Variants in B4GALNT4 observed in about 807,000 individuals in gnomAD.
The protein encoded by B4GALNT4 is beta-1,4-N-acetyl-galactosaminyltransferase 4.
Under a neutral mutation model 110.0 loss-of-function variants are expected in B4GALNT4, and 77 were observed. That is an observed-to-expected ratio of 0.70 (90% CI 0.58 to 0.85). The LOEUF is 0.85. Among genes scored for constraint, B4GALNT4 ranks in the 40% least tolerant of loss-of-function variants. B4GALNT4 has a pLI of 0.00. For synonymous variants in B4GALNT4, 785 were observed against 655.5 expected (o/e 1.20, Z -3.02); for missense variants, 1,575 against 1,506.0 (o/e 1.05, Z -0.76).
Position 375,887 on chromosome 11 carries a change from G to A in B4GALNT4, c.1026G>A (p.Glu342=), listed in dbSNP as rs140484351. Residue 342 remains glutamate, a synonymous_variant, in exon 11 of 20, where the codon GAG becomes GAA. Coordinates refer to ENST00000329962, the MANE Select transcript of B4GALNT4 (RefSeq NM_178537.5). ...MESSSLENVL[E]PCAYAPTYVV... ...CTTCGAGCCTGGAGAACGTGCTGGA[G>A]CCCTGCGCCTACGCCCCCACCTACG... is the stretch of plus-strand genomic sequence containing the variant. 513 of 1,611,638 alleles carry A rather than the reference G, an allele frequency of 3.2e-4. No homozygotes were observed. The highest frequency in any genetic ancestry group is 3.9e-4 in the Non-Finnish European group (463 of 1,179,488).
Position 377,290 on chromosome 11 carries a change from G to A in B4GALNT4, c.2167G>A (p.Ala723Thr), listed in dbSNP as rs768586312. The A allele has an allele frequency of 1.2e-5, 19 of 1,587,232 alleles. No individual in the cohort carries two copies. The highest frequency in any genetic ancestry group is 1.5e-5 in the Non-Finnish European group (18 of 1,169,190). The change falls in exon 14 of 20, where the codon GCT (alanine) becomes ACT (threonine). Residue 723 changes from alanine (A) to threonine (T), a missense_variant. By Grantham distance (58) the Ala-to-Thr change is moderately conservative (BLOSUM62 0). Coordinates refer to ENST00000329962, the MANE Select transcript of B4GALNT4 (RefSeq NM_178537.5). ...GGAGGCGGAGGCCGTGGACGTGACC[G>A]CTCAGTACATGGAGCGGCTGAACGC... Reference protein sequence around the residue: ...LPEAEAVDVTAQYMERLNARH... With the variant: ...LPEAEAVDVTTQYMERLNARH...
Position 372,569 on chromosome 11 carries a change from G to A in B4GALNT4, c.256-93G>A. ...GGCATTTAGGGCTGTGTGGATACAT[G>A]TTGGAAGGGGTCTTTGTGAAGGTTT... is the stretch of plus-strand genomic sequence containing the variant. On this transcript the variant is annotated intron_variant, in intron 2 of 19. Coordinates refer to ENST00000329962, the MANE Select transcript of B4GALNT4 (RefSeq NM_178537.5). The A allele has an allele frequency of 2.3e-5, 25 of 1,108,408 alleles. No homozygotes were observed. The South Asian group carries it at 3.2e-4, about 14-fold the overall frequency. 68.7% of individuals were successfully genotyped at this position (1,108,408 alleles called of 1,614,324 possible).
Position 376,803 on chromosome 11 carries a change from GC to G in B4GALNT4, c.1683del (p.Arg562GlufsTer64). 7.3e-7 allele frequency: 1 copy of G among 1,377,486 alleles called. No individual in the cohort carries two copies. Among genetic ancestry groups the G allele is most frequent in the Admixed American group, 3.2e-5 (1 of 31,642 alleles). The allele number at this position is 1,377,486 out of a possible 1,614,324, so 85.3% of individuals were successfully genotyped here. A position where few individuals can be genotyped will look rare whatever the true frequency, so the allele number is the denominator to read the frequency against. On this transcript the variant is annotated frameshift_variant, in exon 14 of 20. Coordinates refer to ENST00000329962, the MANE Select transcript of B4GALNT4 (RefSeq NM_178537.5). LOFTEE classifies it high-confidence loss of function. The stretch of plus-strand genomic sequence containing the variant: ...GCGTCTTCCTGCACCCCAGGCCTCT[GC>G]CCAGAGTGCAGCTGCGGGCGCCCCC... Reference protein sequence around the residue: ...PGVFLHPRPLPRVQLRAPPRP... With the variant: ...PGVFLHPRPLXRVQLRAPPRP...
In B4GALNT4 at chr11:381,657, C is replaced by G. The variant is rs761956465; in HGVS notation, c.2997-12C>G. The G allele has an allele frequency of 1.3e-6, 2 of 1,579,176 alleles. No individual in the cohort carries two copies. The highest frequency in any genetic ancestry group is 1.7e-6 in the Non-Finnish European group (2 of 1,164,554). ...CCCGGGGTCCTGACCACCTCTCTGC[C>G]CCCGGCCCCAGGGTCCTGCAGGCAG... On this transcript the variant is annotated splice_polypyrimidine_tract_variant and intron_variant, in intron 19 of 19. Transcript: ENST00000329962.
At position 377,056 on chromosome 11, in the gene B4GALNT4, G is replaced by A. The variant is rs1259510322; in HGVS notation, c.1933G>A (p.Glu645Lys). 1.0e-5 allele frequency: 15 copies of A among 1,440,696 alleles called. No homozygotes were observed. The highest frequency in any genetic ancestry group is 3.0e-5 in the South Asian group (2 of 67,332). 89.2% of individuals were successfully genotyped at this position (1,440,696 alleles called of 1,614,324 possible). Residue 645 changes from glutamate (E) to lysine (K), a missense_variant, in exon 14 of 20, where the codon GAG becomes AAG. Transcript: ENST00000329962. Reference protein sequence around the residue: ...SGPQLPGEGEEEEEGEDDGAP... With the variant: ...SGPQLPGEGEKEEEGEDDGAP... ...GCCGCAGCTGCCCGGGGAGGGCGAA[G>A]AGGAGGAGGAAGGGGAGGACGATGG...
rs1846744629 is a variant in B4GALNT4 at position 376,148 on chromosome 11, C to T, written c.1170C>T (p.Tyr390=). 1 of 1,603,308 alleles carries T rather than the reference C, an allele frequency of 6.2e-7. No homozygotes were observed. Among genetic ancestry groups the T allele is most frequent in the Non-Finnish European group, 8.5e-7 (1 of 1,174,800 alleles). The part of the protein sequence containing the change: ...THMETDNKCF[Y]RESPLYLERF... The stretch of plus-strand genomic sequence containing the variant: ...TGGAGACGGACAACAAGTGCTTCTA[C>T]CGCGAGTCTCCGCTGTATCTGGAGA... The change falls in exon 12 of 20, where the codon TAC becomes TAT. Residue 390 remains tyrosine, a synonymous_variant. Coordinates refer to ENST00000329962, the MANE Select transcript of B4GALNT4 (RefSeq NM_178537.5).
At chr11:370,021 C>CGGCGCGGGGGGCGGGGGCGGCGTGGGG (rs1846586468) in intron 1 of B4GALNT4, 67 bp downstream of exon 1, 1 of 39,754 alleles carries the variant, frequency 2.5e-5, no homozygotes, top group Non-Finnish European at 4.9e-5. Flanking sequence ...GGGGCGCGGG[C>CGGCGCGGGGGGCGGGGGCGGCGTGGGG]GGCGCGGGGG....
chr11:381,954 G>A lies in B4GALNT4; in HGVS notation c.*162G>A, dbSNP rs1322686650. ...CCACTGGGCGTCGTGCCCCTCCCCG[G>A]AGAGGCAGCCTTCACGGCGGGTCAG... On this transcript the variant is annotated 3_prime_UTR_variant, in exon 20 of 20. Coordinates refer to ENST00000329962, the MANE Select transcript of B4GALNT4 (RefSeq NM_178537.5). 74 of 839,000 alleles carry A rather than the reference G, an allele frequency of 8.8e-5. No homozygotes were observed. Among genetic ancestry groups the A allele is most frequent in the Non-Finnish European group, 1.0e-4 (62 of 597,334 alleles). The allele number at this position is 839,000 out of a possible 1,614,324, so 52.0% of individuals were successfully genotyped here.
chr11:376,829 C>A lies in B4GALNT4; in HGVS notation c.1706C>A (p.Pro569Gln), dbSNP rs1402164529. The change falls in exon 14 of 20, where the codon CCA becomes CAA. Residue 569 changes from proline (P) to glutamine (Q), a missense_variant. Transcript: ENST00000329962. ...PLPRVQLRAP[P>Q]RPPRPHGRRT... is the part of the protein sequence containing the mutation. The stretch of plus-strand genomic sequence containing the variant: ...CCCAGAGTGCAGCTGCGGGCGCCCC[C>A]ACGCCCACCCCGGCCCCACGGCCGC... 3.0e-6 allele frequency: 4 copies of A among 1,342,142 alleles called. No homozygotes were observed. The East Asian group carries it at 1.4e-4, about 46-fold the overall frequency. 83.1% of individuals were successfully genotyped at this position (1,342,142 alleles called of 1,614,324 possible). A position where few individuals can be genotyped will look rare whatever the true frequency, so the allele number is the denominator to read the frequency against.
In B4GALNT4 at chr11:372,720, A is replaced by T; in HGVS notation, c.314A>T (p.Asn105Ile). The change falls in exon 3 of 20, where the codon AAC (asparagine) becomes ATC (isoleucine). Residue 105 changes from asparagine to isoleucine, a missense_variant. Transcript: ENST00000329962. The part of the protein sequence containing the change: ...FPGGAGRLPL[N>I]FTHQTPPWRE... ...GGGGGGGCTGGGAGGCTGCCACTGA[A>T]CTTCACCCATCAGACACCCCCATGG... is the stretch of plus-strand genomic sequence containing the variant. 1 of 1,606,890 alleles carries T rather than the reference A, an allele frequency of 6.2e-7. No homozygotes were observed. The highest frequency in any genetic ancestry group is 8.5e-7 in the Non-Finnish European group (1 of 1,178,804).
chr11:379,002 G>C (rs1034030874), intron 14 of B4GALNT4, among the ~76,000 whole-genome samples: 1 of 152,174 alleles, frequency 6.6e-6, no homozygotes, highest in Admixed American at 6.5e-5. Context: ...TGAGGGGAAG[G>C]TTGAAAGCCA....
rs1162413012 is a variant in B4GALNT4, at chr11:382,105, T to C, written c.*313T>C. The C allele has an allele frequency of 4.5e-6, 1 of 221,872 alleles. No individual in the cohort carries two copies. Among genetic ancestry groups the C allele is most frequent in the Non-Finnish European group, 8.9e-6 (1 of 112,296 alleles). 13.7% of individuals were successfully genotyped at this position (221,872 alleles called of 1,614,324 possible). A position where few individuals can be genotyped will look rare whatever the true frequency, so the allele number is the denominator to read the frequency against. On this transcript the variant is annotated 3_prime_UTR_variant, in exon 20 of 20. Transcript: ENST00000329962. Reference sequence around the variant, plus strand: ...TTATTCAGAATGAAATGAAATATTTTTTTTAGTTCTGACTAGTCCTCTGTG... The same window carrying C: ...TTATTCAGAATGAAATGAAATATTTCTTTTAGTTCTGACTAGTCCTCTGTG...
Position 369,726 on chromosome 11 carries a change from A to C in B4GALNT4, c.-78A>C. ...CTGAGCGCGGCGGGGCGGGCCGGGG[A>C]TGCGGCGCGGGGCGGGCGGGGGCCG... On this transcript the variant is annotated 5_prime_UTR_variant, in exon 1 of 20. An upstream start codon of the reference 5' UTR is lost. Transcript: ENST00000329962. The C allele has an allele frequency of 1.4e-6, 1 of 716,662 alleles. No individual in the cohort carries two copies. Among genetic ancestry groups the C allele is most frequent in the East Asian group, 1.4e-4 (1 of 6,952 alleles). 44.4% of individuals were successfully genotyped at this position (716,662 alleles called of 1,614,324 possible).
rs768215487 is a variant in B4GALNT4 at position 376,325 on chromosome 11, G to A, written c.1271G>A (p.Arg424Gln). Residue 424 changes from arginine to glutamine, a missense_variant, in exon 13 of 20, where the codon CGA (arginine) becomes CAA (glutamine). Coordinates refer to ENST00000329962, the MANE Select transcript of B4GALNT4 (RefSeq NM_178537.5). ...DEDEEDEVQR[R>Q]AFLFLNPDDF... ...GATGAAGAAGACGAGGTGCAGCGCC[G>A]AGCCTTCCTCTTCCTCAACCCGGAC... 6.2e-7 allele frequency: 1 copy of A among 1,609,534 alleles called. No individual in the cohort carries two copies. Among genetic ancestry groups the A allele is most frequent in the South Asian group, 1.1e-5 (1 of 90,886 alleles).
chr11:380,164 C>T lies in B4GALNT4; in HGVS notation c.2677C>T (p.Arg893Cys). 6.2e-7 allele frequency: 1 copy of T among 1,603,650 alleles called. No individual in the cohort carries two copies. The highest frequency in any genetic ancestry group is 8.5e-7 in the Non-Finnish European group (1 of 1,172,824). Residue 893 changes from arginine (R) to cysteine (C), a missense_variant, in exon 17 of 20, where the codon CGC (arginine) becomes TGC (cysteine). Coordinates refer to ENST00000329962, the MANE Select transcript of B4GALNT4 (RefSeq NM_178537.5). ...QYLRRTGNFE[R>C]SAGLQAGVDA... ...CCTGAGACGAACCGGGAACTTCGAG[C>T]GCTCCGCCGGGCTGCAGGCGGGAGT...
At chr11:373,869 T>TC in intron 8 of B4GALNT4, 41 bp downstream of exon 8, 1 of 1,577,944 alleles carries the variant, frequency 6.3e-7, no homozygotes, top group Non-Finnish European at 8.7e-7. Context: ...GAGACTCCAC[T>TC]CCCCCCACCT....
At position 380,383 on chromosome 11, in the gene B4GALNT4, G is replaced by A. The variant is rs1430767997; in HGVS notation, c.2807G>A (p.Arg936Lys). The change falls in exon 18 of 20, where the codon AGG becomes AAG. Residue 936 changes from arginine (R) to lysine (K), a missense_variant. Arg to Lys is a conservative substitution (Grantham distance 26, BLOSUM62 2). Coordinates refer to ENST00000329962, the MANE Select transcript of B4GALNT4 (RefSeq NM_178537.5). ...ATCCGCAAGCACTGCGTGGAGGGCA[G>A]GCTGGCCTTCGCGCCCGTGGTCATG... Reference protein sequence around the residue: ...DGIRKHCVEGRLAFAPVVMRL... With the variant: ...DGIRKHCVEGKLAFAPVVMRL... 2 of 1,613,190 alleles carry A rather than the reference G, an allele frequency of 1.2e-6. No individual in the cohort carries two copies. Among genetic ancestry groups the A allele is most frequent in the African/African-American group, 1.3e-5 (1 of 75,028 alleles).
chr11:380,458 G>C lies in B4GALNT4; in HGVS notation c.2869+13G>C, dbSNP rs1245808367. 1 of 1,579,862 alleles carries C rather than the reference G, an allele frequency of 6.3e-7. No homozygotes were observed. Among genetic ancestry groups the C allele is most frequent in the Non-Finnish European group, 8.6e-7 (1 of 1,165,852 alleles). ...CGGGACCCCCACGGTGAGGCCCCGA[G>C]CGTCCCACCCTGTGATACCAGGGTT... On this transcript the variant is annotated intron_variant, in intron 18 of 19. Transcript: ENST00000329962.
Position 381,828 on chromosome 11 carries a change from C to T in B4GALNT4, c.*36C>T, listed in dbSNP as rs377196320. On this transcript the variant is annotated 3_prime_UTR_variant, in exon 20 of 20. Coordinates refer to ENST00000329962, the MANE Select transcript of B4GALNT4 (RefSeq NM_178537.5). ...CCCCTCCCAGCCCCGGTGGGAGTCC[C>T]GAGGCAGCTGCTGGGGGCTGGGCTT... 2.1e-5 allele frequency: 33 copies of T among 1,539,380 alleles called. No individual in the cohort carries two copies. The highest frequency in any genetic ancestry group is 4.4e-5 in the Admixed American group (2 of 45,462).
Sources: allele counts gnomAD v4.1 joint callset (sites outside exome capture counted in the v4.1 genomes callset), GRCh38; gene constraint gnomAD v4.1.1; transcripts MANE v1.5; gene names NCBI Gene and HGNC (gene_info 2026-07-23, HGNC 2026-07-21).